Variants in DAB1 observed in about 807,000 individuals in gnomAD.
DAB1 encodes disabled homolog 1.
DAB1 carries 15 observed loss-of-function variants against 64.6 expected under a neutral mutation model. The ratio of observed to expected loss-of-function variants is 0.23; its 90% CI spans 0.16 to 0.36. The LOEUF is 0.36. Among genes scored for constraint, DAB1 ranks in the 10% least tolerant of loss-of-function variants. The probability of loss-of-function intolerance (pLI) is 1.00; values close to 1 mark genes in which losing one functional copy is unlikely to be tolerated. For missense variants in DAB1, 596 were observed against 706.7 expected (o/e 0.84, Z 1.78); for synonymous variants, 235 against 251.9 (o/e 0.93, Z 0.64).
intron 5 of DAB1, among the ~76,000 whole-genome samples, chr1:58,018,165 G>C (rs1030760499): frequency 1.3e-5 from 2 of 151,866 alleles, no homozygotes; most frequent in African/African-American, 4.8e-5. Flanking sequence ...CACTCTCTCT[G>C]CTTCTATCTG....
intron 5 of DAB1, among the ~76,000 whole-genome samples, chr1:57,889,709 G>A (rs764767289): frequency 4.2e-4 from 64 of 152,054 alleles, no homozygotes; most frequent in Non-Finnish European, 8.7e-4. Context: ...TGAGTATGAG[G>A]CACTCTGCAC....
chr1:57,209,501 C>A (rs1457650595), intron 2 of DAB1, among the ~76,000 whole-genome samples: 1 of 152,180 alleles, frequency 6.6e-6, no homozygotes, highest in Non-Finnish European at 1.5e-5. Context: ...TGCCCTTTAC[C>A]TAATCACAAG....
chr1:58,380,513 G>C (rs1478012200), intron 3 of DAB1, among the ~76,000 whole-genome samples: 5 of 152,228 alleles, frequency 3.3e-5, no homozygotes, highest in Admixed American at 3.3e-4. Context: ...TGTTGCATGA[G>C]AAAGAAATTA....
At chr1:57,319,923 T>C (rs1293259865) in intron 1 of DAB1, among the ~76,000 whole-genome samples, 3 of 152,224 alleles carry the variant, frequency 2.0e-5, no homozygotes, top group African/African-American at 4.8e-5. Context: ...CTTGGATCTA[T>C]AGCAGCTATC....
intron 2 of DAB1, among the ~76,000 whole-genome samples, chr1:57,178,278 C>T (rs1421638487): frequency 6.8e-6 from 1 of 147,638 alleles, no homozygotes; most frequent in South Asian, 2.1e-4. Context: ...TAATTGCAAG[C>T]TTATGTACAC....
At chr1:58,137,609 C>T (rs1485672158) in intron 5 of DAB1, among the ~76,000 whole-genome samples, 2 of 152,160 alleles carry the variant, frequency 1.3e-5, no homozygotes, top group Non-Finnish European at 2.9e-5. Flanking sequence ...ATCCATCCAT[C>T]CCCCATTTAT....
At chr1:57,756,622 G>C (rs954704063) in intron 6 of DAB1, among the ~76,000 whole-genome samples, 1 of 152,030 alleles carries the variant, frequency 6.6e-6, no homozygotes, top group Non-Finnish European at 1.5e-5. Flanking sequence ...ATTGAGATCA[G>C]TGTGGGGAGA....
intron 1 of DAB1, among the ~76,000 whole-genome samples, chr1:57,399,792 A>G (rs1433213066): frequency 9.2e-5 from 14 of 152,200 alleles, no homozygotes; most frequent in Admixed American, 9.2e-4. Flanking sequence ...TTCATATTCA[A>G]GAGAGAAAAA....
chr1:58,109,553 G>A (rs1651853937), intron 5 of DAB1, among the ~76,000 whole-genome samples: 1 of 152,124 alleles, frequency 6.6e-6, no homozygotes, highest in African/African-American at 2.4e-5. Context: ...CTCTAGCCCA[G>A]GTGTCATTCC....
intron 3 of DAB1, among the ~76,000 whole-genome samples, chr1:58,455,245 C>T (rs1645182177): frequency 1.3e-5 from 2 of 152,226 alleles, no homozygotes; most frequent in Admixed American, 1.3e-4. Context: ...GGAGCTTATG[C>T]CCACTGGGAA....
At chr1:57,927,053 A>G (rs1644889756) in intron 5 of DAB1, among the ~76,000 whole-genome samples, 1 of 152,196 alleles carries the variant, frequency 6.6e-6, no homozygotes, top group African/African-American at 2.4e-5. Flanking sequence ...TTCTGCAACT[A>G]TAGGCAAATA....
At chr1:57,519,341 G>C (rs937949250) in intron 7 of DAB1, among the ~76,000 whole-genome samples, 1 of 152,220 alleles carries the variant, frequency 6.6e-6, no homozygotes, top group African/African-American at 2.4e-5. Flanking sequence ...CCAGACACCA[G>C]CTCCCAAGTT....
intron 5 of DAB1, among the ~76,000 whole-genome samples, chr1:57,953,624 A>G (rs1029457247): frequency 6.6e-6 from 1 of 152,006 alleles, no homozygotes; most frequent in African/African-American, 2.4e-5. Flanking sequence ...TTGCTTTTCC[A>G]TTCTTCTCCA....
intron 5 of DAB1, among the ~76,000 whole-genome samples, chr1:57,937,950 C>A (rs575015337): frequency 2.0e-5 from 3 of 152,304 alleles, no homozygotes; most frequent in African/African-American, 7.2e-5. Flanking sequence ...GGGCCCTGTG[C>A]ATGATGTTAC....
At chr1:57,773,888 T>C (rs560160850) in intron 6 of DAB1, among the ~76,000 whole-genome samples, 1 of 152,206 alleles carries the variant, frequency 6.6e-6, no homozygotes, top group South Asian at 2.1e-4. Context: ...TATTATGCGT[T>C]GTTACTGTAG....
At chr1:58,004,855 T>G (rs2100413752) in intron 5 of DAB1, among the ~76,000 whole-genome samples, 1 of 152,188 alleles carries the variant, frequency 6.6e-6, no homozygotes, top group African/African-American at 2.4e-5. Flanking sequence ...ATTTCAGACC[T>G]AAAGCCAGCT....
chr1:57,493,806 TTCCCACTGAGAATG>T (rs1644196254), intron 7 of DAB1, among the ~76,000 whole-genome samples: 1 of 147,484 alleles, frequency 6.8e-6, no homozygotes, highest in African/African-American at 2.7e-5. Flanking sequence ...TGACATTGCT[TTCCCACTGAGAATG>T]TCCACCCCAC....
chr1:57,472,340 T>C (rs1308806334), intron 7 of DAB1, among the ~76,000 whole-genome samples: 1 of 152,218 alleles, frequency 6.6e-6, no homozygotes, highest in Non-Finnish European at 1.5e-5. Context: ...ATGAGGGACC[T>C]ATTTTTACTT....
intron 9 of DAB1, among the ~76,000 whole-genome samples, chr1:57,045,638 C>A (rs942309943): frequency 6.6e-6 from 1 of 152,054 alleles, no homozygotes; most frequent in South Asian, 2.1e-4. Flanking sequence ...GCGGAGGTTG[C>A]AGTGAGCTGA....
Sources: gnomAD v4.1 joint callset for allele counts (sites outside exome capture counted in the v4.1 genomes callset) on GRCh38, gnomAD v4.1.1 for gene constraint, MANE v1.5 for transcripts, NCBI Gene and HGNC (gene_info 2026-07-23, HGNC 2026-07-21) for gene names.